Variants in KCNIP1 observed in about 807,000 individuals in gnomAD.
The protein encoded by KCNIP1 is A-type potassium channel modulatory protein KCNIP1.
KCNIP1 carries 18 observed loss-of-function variants against 33.0 expected under a neutral mutation model. That is an observed-to-expected ratio of 0.55 (90% CI 0.38 to 0.81). The LOEUF is 0.81. Among genes scored for constraint, KCNIP1 ranks in the 30% least tolerant of loss-of-function variants. The pLI, the probability that KCNIP1 is intolerant of heterozygous loss-of-function variation, is 0.00. For missense variants in KCNIP1, 238 were observed against 271.6 expected (o/e 0.88, Z 0.87); for synonymous variants, 93 against 98.3 (o/e 0.95, Z 0.32).
intron 1 of KCNIP1, among the ~76,000 whole-genome samples, chr5:170,424,302 T>A (rs946664859): frequency 6.6e-6 from 1 of 152,156 alleles, no homozygotes; most frequent in Non-Finnish European, 1.5e-5. Context: ...TCACATTTCA[T>A]CCTTCCCACA....
At chr5:170,676,173 GAAGGAAAGGA>G (rs56218336) in intron 1 of KCNIP1, among the ~76,000 whole-genome samples, 6,688 of 100,938 alleles carry the variant, frequency 0.066, 314 homozygotes, top group Non-Finnish European at 0.094. Context: ...GGGAAAGAAG[GAAGGAAAGGA>G]AAGGAAAGGA....
chr5:170,563,294 G>A (rs1581330038), intron 1 of KCNIP1, among the ~76,000 whole-genome samples: 1 of 152,202 alleles, frequency 6.6e-6, no homozygotes, highest in Non-Finnish European at 1.5e-5. Flanking sequence ...TGATTATTCC[G>A]ACTTTGGATC....
chr5:170,386,323 G>A (rs753559062), intron 1 of KCNIP1, among the ~76,000 whole-genome samples: 1 of 152,198 alleles, frequency 6.6e-6, no homozygotes, highest in Non-Finnish European at 1.5e-5. Flanking sequence ...CAAGGAGTGC[G>A]TCAGAAGCTG....
chr5:170,588,278 GCAGT>G (rs1223052507), intron 1 of KCNIP1, among the ~76,000 whole-genome samples: 2 of 152,132 alleles, frequency 1.3e-5, no homozygotes, highest in Non-Finnish European at 1.5e-5. Context: ...ACAGAGAGGT[GCAGT>G]CAGTCACCTG....
chr5:170,442,599 A>G (rs546713347), intron 1 of KCNIP1, among the ~76,000 whole-genome samples: 6 of 152,146 alleles, frequency 3.9e-5, no homozygotes, highest in Non-Finnish European at 4.4e-5. Flanking sequence ...AGGACTCTCA[A>G]GACACTAGGT....
chr5:170,593,312 A>G (rs373139094), intron 1 of KCNIP1, among the ~76,000 whole-genome samples: 2 of 152,330 alleles, frequency 1.3e-5, no homozygotes, highest in African/African-American at 4.8e-5. Context: ...ACCTCCTGGC[A>G]TGAAGCAGAA....
At chr5:170,355,809 G>A (rs938594386) in intron 1 of KCNIP1, among the ~76,000 whole-genome samples, 1 of 152,200 alleles carries the variant, frequency 6.6e-6, no homozygotes, top group Non-Finnish European at 1.5e-5. Context: ...AAGGGACTCC[G>A]TGGGGACCTG....
intron 1 of KCNIP1, among the ~76,000 whole-genome samples, chr5:170,382,052 G>A (rs907998307): frequency 6.6e-6 from 1 of 151,886 alleles, no homozygotes. Flanking sequence ...GCCCCTTCCC[G>A]TCCCATCAGC....
intron 1 of KCNIP1, among the ~76,000 whole-genome samples, chr5:170,368,655 A>T (rs1318027068): frequency 6.6e-6 from 1 of 152,262 alleles, no homozygotes; most frequent in Non-Finnish European, 1.5e-5. Flanking sequence ...CATTCACTAA[A>T]TACACATCTT....
intron 1 of KCNIP1, among the ~76,000 whole-genome samples, chr5:170,535,330 A>G (rs1315299029): frequency 3.9e-5 from 6 of 152,202 alleles, no homozygotes; most frequent in Non-Finnish European, 7.3e-5. Flanking sequence ...AGGAAAAAGG[A>G]GGGAAGACTT....
intron 1 of KCNIP1, among the ~76,000 whole-genome samples, chr5:170,434,850 G>A (rs1343024436): frequency 6.6e-6 from 1 of 152,224 alleles, no homozygotes; most frequent in Non-Finnish European, 1.5e-5. Flanking sequence ...AGCTACTCGG[G>A]AGGCTGAGGC....
At chr5:170,599,226 C>A (rs1223356281) in intron 1 of KCNIP1, among the ~76,000 whole-genome samples, 1 of 152,074 alleles carries the variant, frequency 6.6e-6, no homozygotes, top group Non-Finnish European at 1.5e-5. Context: ...CTAAAACAAA[C>A]TACTAGGCAT....
At chr5:170,735,664 T>A in intron 7 of KCNIP1, 95 bp from the exon 8 acceptor site, 2 of 1,078,968 alleles carry the variant, frequency 1.9e-6, no homozygotes, top group Admixed American at 1.7e-5. Flanking sequence ...TTTCTCCATA[T>A]AGGAAACCCA....
intron 1 of KCNIP1, among the ~76,000 whole-genome samples, chr5:170,620,727 C>T (rs1759568979): frequency 6.6e-6 from 1 of 152,200 alleles, no homozygotes. Flanking sequence ...GTATTCAACC[C>T]TCCTAAACTC....
intron 1 of KCNIP1, among the ~76,000 whole-genome samples, chr5:170,445,812 G>A (rs1756100145): frequency 6.6e-6 from 1 of 152,184 alleles, no homozygotes; most frequent in Admixed American, 6.5e-5. Flanking sequence ...CCATACTACC[G>A]AGGTTAAAGA....
chr5:170,734,765 C>T (rs1282743135), intron 7 of KCNIP1, among the ~76,000 whole-genome samples: 1 of 152,226 alleles, frequency 6.6e-6, no homozygotes, highest in East Asian at 1.9e-4. Flanking sequence ...CAAGCACATA[C>T]ATAAACATCA....
At chr5:170,642,492 T>G (rs892895692) in intron 1 of KCNIP1, among the ~76,000 whole-genome samples, 1 of 152,164 alleles carries the variant, frequency 6.6e-6, no homozygotes, top group Non-Finnish European at 1.5e-5. Context: ...ACTGAGTAAC[T>G]GTGGGAGCAG....
intron 1 of KCNIP1, among the ~76,000 whole-genome samples, chr5:170,604,601 C>T (rs1022839102): frequency 2.1e-4 from 32 of 152,108 alleles, no homozygotes; most frequent in African/African-American, 7.5e-4. Flanking sequence ...CCCAAGAATC[C>T]CTGGGGGTGA....
chr5:170,450,918 C>T (rs1292430247), intron 1 of KCNIP1, among the ~76,000 whole-genome samples: 2 of 152,206 alleles, frequency 1.3e-5, no homozygotes, highest in South Asian at 2.1e-4. Flanking sequence ...GCTCCAGTCC[C>T]ATCACCTGAC....
Sources: gnomAD v4.1 joint callset for allele counts (sites outside exome capture counted in the v4.1 genomes callset) on GRCh38, gnomAD v4.1.1 for gene constraint, MANE v1.5 for transcripts, NCBI Gene and HGNC (gene_info 2026-07-23, HGNC 2026-07-21) for gene names.